RASA3: variants seen among roughly 807,000 people sequenced by gnomAD.
The protein encoded by RASA3 is ras GTPase-activating protein 3.
In RASA3, 73 loss-of-function variants were observed where a neutral mutation model predicts 110.0. The observed-to-expected ratio is 0.66, with a 90% CI of 0.55 to 0.81. The LOEUF is 0.81. RASA3 is among the 30% of genes least tolerant of loss of function. The pLI is 0.00. For synonymous variants in RASA3, 500 were observed against 451.4 expected (o/e 1.11, Z -1.37); for missense variants, 976 against 1,113.2 (o/e 0.88, Z 1.75).
chr13:113,980,149 G>A (rs1396601684), intron 23 of RASA3, among the ~76,000 whole-genome samples: 1 of 129,086 alleles, frequency 7.7e-6, no homozygotes, highest in Non-Finnish European at 1.6e-5. Context: ...CCTGCCACGT[G>A]TGTGCACACC....
chr13:114,105,235 C>A (rs903434177), intron 1 of RASA3, among the ~76,000 whole-genome samples: 4 of 152,102 alleles, frequency 2.6e-5, no homozygotes, highest in Admixed American at 2.0e-4. Context: ...CGCAAGCCCC[C>A]ACCCTGCCCT....
At chr13:114,132,387 C>G in intron 1 of RASA3, 48 bp downstream of exon 1, 1 of 1,470,354 alleles carries the variant, frequency 6.8e-7, no homozygotes, top group Non-Finnish European at 9.0e-7. Context: ...CGGGAGAGGA[C>G]AGGGTCGGGC....
chr13:114,101,242 G>C (rs764766245), intron 1 of RASA3, among the ~76,000 whole-genome samples: 4 of 152,226 alleles, frequency 2.6e-5, no homozygotes, highest in Non-Finnish European at 5.9e-5. Flanking sequence ...GAATTTCAGA[G>C]GGAAGGGAAG....
intron 20 of RASA3, among the ~76,000 whole-genome samples, chr13:113,998,684 G>A (rs2053312151): frequency 6.6e-6 from 1 of 152,230 alleles, no homozygotes; most frequent in African/African-American, 2.4e-5. Context: ...CGCCAGAAAT[G>A]CATCATCAGA....
chr13:114,005,514 C>T (rs61971849), intron 18 of RASA3, among the ~76,000 whole-genome samples: 20,456 of 152,038 alleles, frequency 0.13, 1,766 homozygotes, highest in Middle Eastern at 0.21. Flanking sequence ...AGGCTGAAGG[C>T]GCAGGGGCCA....
intron 16 of RASA3, among the ~76,000 whole-genome samples, chr13:114,009,816 G>A (rs1049064260): frequency 6.6e-6 from 1 of 152,242 alleles, no homozygotes; most frequent in Admixed American, 6.5e-5. Context: ...TGGAGTCATA[G>A]GCCAGGGTCC....
At chr13:114,068,895 C>T (rs1019313931) in intron 2 of RASA3, among the ~76,000 whole-genome samples, 4 of 152,212 alleles carry the variant, frequency 2.6e-5, no homozygotes, top group South Asian at 2.1e-4. Flanking sequence ...CACTTCGATG[C>T]GTTCTGAAGT....
chr13:114,060,724 C>T (rs2079324630), intron 2 of RASA3, among the ~76,000 whole-genome samples: 1 of 152,236 alleles, frequency 6.6e-6, no homozygotes, highest in African/African-American at 2.4e-5. Flanking sequence ...CCAGGACTGT[C>T]CCCCAGCGCT....
At chr13:114,066,237 G>A (rs777209659) in intron 2 of RASA3, among the ~76,000 whole-genome samples, 16 of 152,152 alleles carry the variant, frequency 1.1e-4, no homozygotes, top group African/African-American at 3.4e-4. Context: ...GCCCGGCCAC[G>A]ATGTGTGACT....
intron 1 of RASA3, among the ~76,000 whole-genome samples, chr13:114,126,245 G>C (rs553168627): frequency 6.6e-6 from 1 of 151,824 alleles, no homozygotes; most frequent in African/African-American, 2.4e-5. Context: ...CGGCACCTGC[G>C]GGGCATGACA....
At chr13:114,095,002 T>C (rs1373801609) in intron 1 of RASA3, among the ~76,000 whole-genome samples, 1 of 151,974 alleles carries the variant, frequency 6.6e-6, no homozygotes, top group African/African-American at 2.4e-5. Context: ...CATCTGCTGC[T>C]CTAGTAGGGG....
At chr13:114,036,680 G>A (rs1282312098) in intron 4 of RASA3, among the ~76,000 whole-genome samples, 3 of 152,224 alleles carry the variant, frequency 2.0e-5, no homozygotes. Flanking sequence ...TGGGATTACA[G>A]GCATGCGCCA....
At chr13:114,015,154 C>A in intron 14 of RASA3, 55 bp downstream of exon 14, 1 of 1,603,824 alleles carries the variant, frequency 6.2e-7, no homozygotes, top group Non-Finnish European at 8.5e-7. Context: ...TGGGAGTCAC[C>A]CTGCACAGCG....
At chr13:114,126,183 C>T (rs1013407951) in intron 1 of RASA3, among the ~76,000 whole-genome samples, 60 of 149,264 alleles carry the variant, frequency 4.0e-4, no homozygotes, top group African/African-American at 1.4e-3. Flanking sequence ...CAACCTCGCA[C>T]CCTCCAGAGG....
Position 114,013,051 on chromosome 13 carries a change from G to T in RASA3, c.1512+91C>A, listed in dbSNP as rs572464795. Reference sequence around the variant, plus strand: ...TCCCCACGCATTCCACACTCCACACGGTCGGCCCCCTACAGCCACGCAGAT... The same window carrying T: ...TCCCCACGCATTCCACACTCCACACTGTCGGCCCCCTACAGCCACGCAGAT... On this transcript the variant is annotated intron_variant, in intron 15 of 23. Coordinates refer to ENST00000334062, the MANE Select transcript of RASA3 (RefSeq NM_007368.4). The T allele has an allele frequency of 2.5e-5, 26 of 1,027,380 alleles. No homozygotes were observed. In the African/African-American group the frequency reaches 4.1e-4, roughly 16 times the overall value. The allele number at this position is 1,027,380 out of a possible 1,614,324, so 63.6% of individuals were successfully genotyped here. A position where few individuals can be genotyped will look rare whatever the true frequency, so the allele number is the denominator to read the frequency against.
chr13:114,017,826 GCC>G (rs2053826701), intron 11 of RASA3, among the ~76,000 whole-genome samples: 1 of 151,982 alleles, frequency 6.6e-6, no homozygotes, highest in Non-Finnish European at 1.5e-5. Context: ...CTCCCAAAGT[GCC>G]CCAGGGAGGG....
intron 1 of RASA3, among the ~76,000 whole-genome samples, chr13:114,098,022 T>C (rs912067749): frequency 6.6e-6 from 1 of 152,088 alleles, no homozygotes; most frequent in African/African-American, 2.4e-5. Flanking sequence ...AAGGCAGCTC[T>C]CAGCCCTCAG....
At chr13:113,993,682 C>T (rs2053169289) in intron 21 of RASA3, among the ~76,000 whole-genome samples, 1 of 151,332 alleles carries the variant, frequency 6.6e-6, no homozygotes, top group Admixed American at 6.6e-5. Flanking sequence ...GTGGTGCACA[C>T]CTATAATCCC....
intron 16 of RASA3, among the ~76,000 whole-genome samples, chr13:114,010,440 C>CCCCT (rs1400936364): frequency 2.6e-5 from 4 of 151,846 alleles, no homozygotes; most frequent in African/African-American, 9.7e-5. Context: ...CAGCTCTGAC[C>CCCCT]CCCTCAAACA....
Sources: allele counts gnomAD v4.1 joint callset (sites outside exome capture counted in the v4.1 genomes callset), GRCh38; gene constraint gnomAD v4.1.1; transcripts MANE v1.5; gene names NCBI Gene and HGNC (gene_info 2026-07-23, HGNC 2026-07-21).